Variants in AKAP8 observed in about 807,000 individuals in gnomAD.
The protein encoded by AKAP8 is A-kinase anchor protein 8.
A neutral mutation model predicts 67.5 loss-of-function variants in AKAP8; 24 were observed. The observed-to-expected ratio is 0.36, with a 90% CI of 0.26 to 0.50. AKAP8 has a LOEUF of 0.50. AKAP8 is among the 20% of genes least tolerant of loss of function. The pLI, the probability that AKAP8 is intolerant of heterozygous loss-of-function variation, is 0.97. For synonymous variants in AKAP8, 400 were observed against 371.1 expected (o/e 1.08, Z -0.90); for missense variants, 971 against 955.9 (o/e 1.02, Z -0.21).
In AKAP8 at chr19:15,360,866, G is replaced by A; in HGVS notation, c.1509C>T (p.Asp503=). 6.2e-7 allele frequency: 1 copy of A among 1,613,314 alleles called. No individual in the cohort carries two copies. Among genetic ancestry groups the A allele is most frequent in the Non-Finnish European group, 8.5e-7 (1 of 1,179,758 alleles). Residue 503 remains aspartate, a synonymous_variant, in exon 12 of 14, where the codon GAC becomes GAT. Coordinates refer to ENST00000269701, the MANE Select transcript of AKAP8 (RefSeq NM_005858.4). ...QLLQRHLHSV[D]HNHNRRLAAE... ...GACTCACCCTGCGGTTGTGATTGTG[G>A]TCCACGGAGTGCAGGTGCCGCTGGA... is the stretch of plus-strand genomic sequence containing the variant.
At chr19:15,364,611 A>G (rs1327593845) in intron 9 of AKAP8, among the ~76,000 whole-genome samples, 1 of 150,928 alleles carries the variant, frequency 6.6e-6, no homozygotes, top group African/African-American at 2.4e-5. Flanking sequence ...AGCCTCCCAA[A>G]GTGCTGGGAT....
In AKAP8 at chr19:15,369,167, C is replaced by T; in HGVS notation, c.1073-845G>A. The T allele has an allele frequency of 1.0e-6, 1 of 985,540 alleles. No homozygotes were observed. The highest frequency in any genetic ancestry group is 1.2e-6 in the Non-Finnish European group (1 of 829,976). 61.0% of individuals were successfully genotyped at this position (985,540 alleles called of 1,614,324 possible). On this transcript the variant is annotated intron_variant, in intron 8 of 13. Transcript: ENST00000269701. The surrounding 1 kb of genome is among the most constrained non-coding windows in gnomAD (Gnocchi z 4.6). ...GTGTGGGATTTTTGGCAAGAGGTCA[C>T]TGCCTGAAACTATGACTGCTGTTTA...
In AKAP8 at chr19:15,364,009, AAC is replaced by A. The variant is rs1967024862; in HGVS notation, c.1161-1760_1161-1759del. Among the ~76,000 whole-genome samples the A allele has an allele frequency of 2.0e-5, 3 of 150,296 alleles. No homozygotes were observed. The South Asian group carries it at 6.4e-4, about 32-fold the overall frequency. Reference sequence around the variant, plus strand: ...CTAATCTCAAGTACCCAGGGACACAAACACTGCCAAATCTCCCTCTGCGAGAA... The same window carrying A: ...CTAATCTCAAGTACCCAGGGACACAAACTGCCAAATCTCCCTCTGCGAGAA... On this transcript the variant is annotated intron_variant, in intron 9 of 13. Coordinates refer to ENST00000269701, the MANE Select transcript of AKAP8 (RefSeq NM_005858.4).
At chr19:15,361,553 C>T (rs146991669) in intron 11 of AKAP8, 176 bp downstream of exon 11, 10,739 of 542,908 alleles carry the variant, frequency 0.02, 173 homozygotes, top group Non-Finnish European at 0.024. Context: ...GGGGTTTCAC[C>T]GTGTCAGACA....
chr19:15,368,368 G>T (rs779820820), intron 8 of AKAP8, 46 bp from the exon 9 acceptor site: 1 of 1,611,742 alleles, frequency 6.2e-7, no homozygotes, highest in Admixed American at 1.7e-5. Context: ...GGCCTGCAAA[G>T]GAGCTGAGCT....
chr19:15,373,351 A>C lies in AKAP8; in HGVS notation c.372-11T>G. On this transcript the variant is annotated splice_polypyrimidine_tract_variant and intron_variant, in intron 4 of 13. Coordinates refer to ENST00000269701, the MANE Select transcript of AKAP8 (RefSeq NM_005858.4). ...TGGAAGCGGAAGGAGCTGCAACAGA[A>C]GCACAGCCCATCAGGGGCGGTCACC... The C allele has an allele frequency of 6.3e-7, 1 of 1,597,032 alleles. No individual in the cohort carries two copies. Among genetic ancestry groups the C allele is most frequent in the Non-Finnish European group, 8.5e-7 (1 of 1,171,094 alleles).
chr19:15,379,676 TTCCC>T, intron 1 of AKAP8, 33 bp downstream of exon 1: 1 of 1,600,962 alleles, frequency 6.2e-7, no homozygotes, highest in South Asian at 1.1e-5. Context: ...GCACAGAGCC[TTCCC>T]TCCCCGCTCC....
At chr19:15,363,182 T>C (rs540948400) in intron 9 of AKAP8, among the ~76,000 whole-genome samples, 58 of 149,456 alleles carry the variant, frequency 3.9e-4, no homozygotes, top group African/African-American at 1.4e-3. Flanking sequence ...GTCTGGGAAG[T>C]GAGGAGCGTC....
At chr19:15,375,194 A>T (rs1967231102) in intron 2 of AKAP8, among the ~76,000 whole-genome samples, 2 of 152,164 alleles carry the variant, frequency 1.3e-5, no homozygotes, top group Non-Finnish European at 2.9e-5. Flanking sequence ...TCGTGCCCTA[A>T]AACACGGGCT....
rs1336112476 is a variant in AKAP8 at position 15,362,137 on chromosome 19, C to A, written c.1275G>T (p.Leu425=). 6.2e-7 allele frequency: 1 copy of A among 1,614,104 alleles called. No homozygotes were observed. Among genetic ancestry groups the A allele is most frequent in the African/African-American group, 1.3e-5 (1 of 75,036 alleles). Residue 425 remains leucine, a synonymous_variant, in exon 10 of 14, where the codon CTG becomes CTT. Coordinates refer to ENST00000269701, the MANE Select transcript of AKAP8 (RefSeq NM_005858.4). ...KETLRFISTK[L]PDKTVEFLQE... Reference sequence around the variant, plus strand: ...GGAGGAACTCCACGGTCTTGTCGGGCAGCTTGGTGCTTATGAACCGCAGGG... The same window carrying A: ...GGAGGAACTCCACGGTCTTGTCGGGAAGCTTGGTGCTTATGAACCGCAGGG...
At chr19:15,379,073 C>G (rs1395802227) in intron 1 of AKAP8, 1 of 152,604 alleles carries the variant, frequency 6.6e-6, no homozygotes, top group East Asian at 1.9e-4. Flanking sequence ...TGGAGCCCGG[C>G]GAGGCTGACT....
chr19:15,373,292 C>T lies in AKAP8; in HGVS notation c.420G>A (p.Leu140=). The T allele has an allele frequency of 6.2e-7, 1 of 1,613,484 alleles. No individual in the cohort carries two copies. Among genetic ancestry groups the T allele is most frequent in the Non-Finnish European group, 8.5e-7 (1 of 1,179,874 alleles). ...PFESYDSRPC[L]PEHNPYRPSY... ...TGGGGCGGTAGGGGTTGTGCTCCGG[C>T]AGGCAGGGCCTGGAGTCATAGGACT... is the stretch of plus-strand genomic sequence containing the variant. The change falls in exon 5 of 14, where the codon CTG becomes CTA. Residue 140 remains leucine, a synonymous_variant. Transcript: ENST00000269701.
Position 15,374,597 on chromosome 19 carries a change from G to T in AKAP8, c.91+6C>A. On this transcript the variant is annotated splice_donor_region_variant and intron_variant, in intron 3 of 13. Transcript: ENST00000269701. ...GCCCACAGACCCCCCCCACAGAAGG[G>T]CTTACCTTGCCAGCTGGCCACACCA... 6.2e-7 allele frequency: 1 copy of T among 1,613,180 alleles called. No homozygotes were observed. Among genetic ancestry groups the T allele is most frequent in the South Asian group, 1.1e-5 (1 of 90,982 alleles).
At chr19:15,361,217 T>C (rs1210879374) in intron 11 of AKAP8, among the ~76,000 whole-genome samples, 1 of 152,024 alleles carries the variant, frequency 6.6e-6, no homozygotes, top group Non-Finnish European at 1.5e-5. Context: ...GATATGAAAG[T>C]GCTTAATGTC....
Position 15,371,888 on chromosome 19 carries a change from G to A in AKAP8, c.1038+64C>T. 2.8e-5 allele frequency: 44 copies of A among 1,559,542 alleles called. No homozygotes were observed. The South Asian group carries it at 4.9e-4, about 17-fold the overall frequency. The stretch of plus-strand genomic sequence containing the variant: ...GCAGCTGCTCCTGCCCCTTTGTGAG[G>A]AAGGGTGATTAAAGAAAGAAGAAAT... On this transcript the variant is annotated intron_variant, in intron 7 of 13. Transcript: ENST00000269701.
Position 15,374,025 on chromosome 19 carries a change from A to G in AKAP8, c.132T>C (p.Ser44=). The G allele has an allele frequency of 6.3e-7, 1 of 1,592,836 alleles. No individual in the cohort carries two copies. Among genetic ancestry groups the G allele is most frequent in the South Asian group, 1.1e-5 (1 of 89,188 alleles). The change falls in exon 4 of 14, where the codon AGT becomes AGC. Residue 44 remains serine (S), a synonymous_variant. Transcript: ENST00000269701. Reference sequence around the variant, plus strand: ...AGCTGTAGGTTGCGCCTGTGGTGACACTGGTGTTCTGGGCGCCATAGTAAT... The same window carrying G: ...AGCTGTAGGTTGCGCCTGTGGTGACGCTGGTGTTCTGGGCGCCATAGTAAT... ...NYNYYGAQNT[S]VTTGATYSYG...
At chr19:15,371,030 A>C (rs1967148519) in intron 7 of AKAP8, among the ~76,000 whole-genome samples, 1 of 152,224 alleles carries the variant, frequency 6.6e-6, no homozygotes, top group Non-Finnish European at 1.5e-5. Context: ...CATACGGCTA[A>C]ATTAACAATC....
chr19:15,362,081 C>T lies in AKAP8; in HGVS notation c.1302+29G>A, dbSNP rs142436861. 668 of 1,611,840 alleles carry T rather than the reference C, an allele frequency of 4.1e-4. 1 individual carries two copies. Among genetic ancestry groups the T allele is most frequent in the African/African-American group, 2.1e-3 (156 of 74,900 alleles). Reference sequence around the variant, plus strand: ...CGGCACCTGCGGGATGGGCAAGAGACGCGGTGACGGGGCCCAGGTTTCCTT... The same window carrying T: ...CGGCACCTGCGGGATGGGCAAGAGATGCGGTGACGGGGCCCAGGTTTCCTT... On this transcript the variant is annotated intron_variant, in intron 10 of 13. Coordinates refer to ENST00000269701, the MANE Select transcript of AKAP8 (RefSeq NM_005858.4).
chr19:15,357,208 C>T (rs1178411164), intron 13 of AKAP8, among the ~76,000 whole-genome samples: 1 of 151,750 alleles, frequency 6.6e-6, no homozygotes, highest in Admixed American at 6.6e-5. Flanking sequence ...ATGCACCCGC[C>T]TCGGCCTCCC....
Sources: allele counts gnomAD v4.1 joint callset (sites outside exome capture counted in the v4.1 genomes callset), GRCh38; gene constraint gnomAD v4.1.1; non-coding constraint Gnocchi (gnomAD v3.1); transcripts MANE v1.5; gene names NCBI Gene and HGNC (gene_info 2026-07-23, HGNC 2026-07-21).